The following CPXM2 variants were observed in gnomAD, a reference collection of about 807,000 sequenced individuals.
The protein encoded by CPXM2 is carboxypeptidase X, M14 family member 2, also known as inactive carboxypeptidase-like protein X2.
In CPXM2, 66 loss-of-function variants were observed where a neutral mutation model predicts 86.1. The ratio of observed to expected loss-of-function variants is 0.77; its 90% CI spans 0.63 to 0.94. CPXM2 has a LOEUF of 0.94. Among genes scored for constraint, CPXM2 ranks in the 40% least tolerant of loss-of-function variants. CPXM2 has a pLI of 0.00. For synonymous variants in CPXM2, 388 were observed against 400.2 expected (o/e 0.97, Z 0.36); for missense variants, 948 against 1,026.3 (o/e 0.92, Z 1.04).
intron 6 of CPXM2, among the ~76,000 whole-genome samples, chr10:123,793,770 A>G (rs1847262537): frequency 6.6e-6 from 1 of 152,162 alleles, no homozygotes; most frequent in African/African-American, 2.4e-5. Flanking sequence ...AGGCCTGGGG[A>G]CCAAATGAAC....
intron 6 of CPXM2, among the ~76,000 whole-genome samples, chr10:123,788,380 T>A (rs1444729142): frequency 6.6e-6 from 1 of 151,992 alleles, no homozygotes; most frequent in African/African-American, 2.4e-5. Flanking sequence ...TTTAACTATC[T>A]GCTCCAAAAC....
intron 2 of CPXM2, among the ~76,000 whole-genome samples, chr10:123,919,383 T>C (rs1332420913): frequency 1.3e-5 from 2 of 152,140 alleles, no homozygotes; most frequent in Non-Finnish European, 2.9e-5. Context: ...CAGGATACAA[T>C]CTAAATTTAC....
At chr10:123,841,918 C>T (rs1478582848) in intron 4 of CPXM2, among the ~76,000 whole-genome samples, 1 of 152,214 alleles carries the variant, frequency 6.6e-6, no homozygotes, top group East Asian at 1.9e-4. Flanking sequence ...CATTTAGGAA[C>T]CTAGATTTCC....
intron 4 of CPXM2, among the ~76,000 whole-genome samples, chr10:123,825,647 G>A (rs1219704): frequency 0.64 from 97,094 of 152,024 alleles, 33,586 homozygotes; most frequent in Non-Finnish European, 0.77. Flanking sequence ...GTCTCCATAA[G>A]CATCACACAG....
intron 4 of CPXM2, among the ~76,000 whole-genome samples, chr10:123,814,120 A>C (rs181840168): frequency 1.3e-3 from 202 of 152,308 alleles, no homozygotes; most frequent in Admixed American, 2.3e-3. Flanking sequence ...ATGATGGTTA[A>C]TACTGAGTGT....
At position 123,762,167 on chromosome 10, in the gene CPXM2, C is replaced by T. The variant is rs539836488; in HGVS notation, c.1482G>A (p.Val494=). 2 of 1,614,152 alleles carry T rather than the reference C, an allele frequency of 1.2e-6. No individual in the cohort carries two copies. Among genetic ancestry groups the T allele is most frequent in the South Asian group, 2.2e-5 (2 of 91,078 alleles). Residue 494 remains valine, a splice_region_variant and synonymous_variant, in exon 11 of 14, where the codon GTG becomes GTA. Transcript: ENST00000241305. Reference sequence around the variant, plus strand: ...CTATGACTGCTCTGGTCTCGGCAGCCACCTGTGAACATCCCAAATGGACGA... The same window carrying T: ...CTATGACTGCTCTGGTCTCGGCAGCTACCTGTGAACATCCCAAATGGACGA... ...PEWFLSENAT[V]AAETRAVIAW... is the part of the protein sequence containing the mutation.
intron 5 of CPXM2, among the ~76,000 whole-genome samples, 195 bp downstream of exon 5, chr10:123,798,920 A>G (rs1034533552): frequency 1.3e-5 from 2 of 152,258 alleles, no homozygotes; most frequent in Non-Finnish European, 2.9e-5. Flanking sequence ...TGAATTTTAC[A>G]TTAGCTCTAA....
intron 6 of CPXM2, among the ~76,000 whole-genome samples, chr10:123,786,247 C>A (rs544222166): frequency 6.6e-6 from 1 of 152,312 alleles, no homozygotes; most frequent in African/African-American, 2.4e-5. Flanking sequence ...ATGAAAGATA[C>A]AATGACCCCA....
At chr10:123,789,794 G>A (rs1420125570) in intron 6 of CPXM2, among the ~76,000 whole-genome samples, 1 of 152,160 alleles carries the variant, frequency 6.6e-6, no homozygotes, top group East Asian at 1.9e-4. Flanking sequence ...GGACCACACA[G>A]TCTAAGCTAA....
At chr10:123,831,516 T>C (rs562759473) in intron 4 of CPXM2, among the ~76,000 whole-genome samples, 9 of 152,226 alleles carry the variant, frequency 5.9e-5, no homozygotes, top group Non-Finnish European at 1.3e-4. Context: ...TTACTATTGC[T>C]GACACAAACT....
At chr10:123,864,728 G>T (rs934902894) in intron 2 of CPXM2, among the ~76,000 whole-genome samples, 1 of 152,166 alleles carries the variant, frequency 6.6e-6, no homozygotes, top group East Asian at 1.9e-4. Context: ...TCATGTACCA[G>T]CTCAATAAAG....
chr10:123,791,468 A>T (rs568377507), intron 6 of CPXM2, among the ~76,000 whole-genome samples: 1 of 152,140 alleles, frequency 6.6e-6, no homozygotes. Flanking sequence ...TGGTCTCTCT[A>T]AAAGCTCTAG....
At chr10:123,774,230 G>T (rs185756428) in intron 7 of CPXM2, among the ~76,000 whole-genome samples, 9 of 152,312 alleles carry the variant, frequency 5.9e-5, no homozygotes, top group Admixed American at 3.3e-4. Context: ...AGGGAGGCCC[G>T]TGGCCTTCTG....
intron 10 of CPXM2, among the ~76,000 whole-genome samples, chr10:123,765,662 T>C (rs144512743): frequency 6.6e-6 from 1 of 152,336 alleles, no homozygotes; most frequent in Non-Finnish European, 1.5e-5. Flanking sequence ...GCCTCCCTAG[T>C]CTACTGCCCA....
intron 4 of CPXM2, among the ~76,000 whole-genome samples, chr10:123,834,645 G>A (rs968142105): frequency 6.6e-6 from 1 of 152,186 alleles, no homozygotes; most frequent in Admixed American, 6.5e-5. Context: ...TGGGCAGTAG[G>A]AGCCAGTCTC....
chr10:123,792,967 A>T (rs1847241504), intron 6 of CPXM2, among the ~76,000 whole-genome samples: 1 of 152,202 alleles, frequency 6.6e-6, no homozygotes, highest in African/African-American at 2.4e-5. Context: ...CAGAAACCCT[A>T]GGGAAGGAGG....
At chr10:123,832,504 G>T (rs1848186187) in intron 4 of CPXM2, among the ~76,000 whole-genome samples, 1 of 152,110 alleles carries the variant, frequency 6.6e-6, no homozygotes, top group Non-Finnish European at 1.5e-5. Context: ...TCATATGTTG[G>T]AACCAAATCT....
chr10:123,931,787 G>A (rs1388381816), intron 2 of CPXM2, among the ~76,000 whole-genome samples: 1 of 152,158 alleles, frequency 6.6e-6, no homozygotes, highest in African/African-American at 2.4e-5. Context: ...CCAATAAAAT[G>A]GGAGAGTAAA....
intron 2 of CPXM2, among the ~76,000 whole-genome samples, chr10:123,869,726 A>G (rs987322954): frequency 2.0e-5 from 3 of 152,192 alleles, no homozygotes; most frequent in Admixed American, 6.5e-5. Flanking sequence ...TCTCTGCATT[A>G]CATATGCTTT....
Sources: allele counts gnomAD v4.1 joint callset (sites outside exome capture counted in the v4.1 genomes callset), GRCh38; gene constraint gnomAD v4.1.1; transcripts MANE v1.5; gene names NCBI Gene and HGNC (gene_info 2026-07-23, HGNC 2026-07-21).